MEIS3: variants seen among roughly 807,000 people sequenced by gnomAD.
MEIS3 encodes the protein Meis homeobox 3, also known as homeobox protein Meis3.
In MEIS3, 38 loss-of-function variants were observed where a neutral mutation model predicts 51.4. That is an observed-to-expected ratio of 0.74 (90% CI 0.57 to 0.97). The LOEUF (loss-of-function observed/expected upper bound fraction) is 0.97, where lower values mean the gene tolerates loss of function less well. Ranked by LOEUF, MEIS3 falls within the 50% of genes least tolerant of loss-of-function variation. MEIS3 has a pLI of 0.00. For synonymous variants in MEIS3, 198 were observed against 201.8 expected, an observed-to-expected ratio of 0.98 and a Z score of 0.16; for missense variants, 456 against 502.6, an observed-to-expected ratio of 0.91 and a Z score of 0.89.
At chr19:47,421,670 G>A (rs903060086), upstream of MEIS3, among the ~76,000 whole-genome samples, 5 of 151,688 alleles carry the variant, frequency 3.3e-5, no homozygotes, top group Admixed American at 6.6e-5. Flanking sequence ...AAGACAGGCC[G>A]TCTCTGTCTC....
intron 11 of MEIS3, 23 bp from the exon 12 acceptor site, chr19:47,406,549 G>C: frequency 6.2e-7 from 1 of 1,613,472 alleles, no homozygotes; most frequent in Middle Eastern, 1.6e-4. Context: ...AAAAAAGGAG[G>C]GTAAGTGCGT....
upstream of MEIS3, among the ~76,000 whole-genome samples, chr19:47,420,934 ACACACACT>A (rs1451704606): frequency 3.9e-5 from 4 of 103,426 alleles, no homozygotes; most frequent in East Asian, 9.5e-4. Flanking sequence ...ACACACACAC[ACACACACT>A]CTCTCTCTCT....
chr19:47,409,391 T>C, intron 7 of MEIS3, 45 bp downstream of exon 7: 1 of 1,578,682 alleles, frequency 6.3e-7, no homozygotes, highest in Non-Finnish European at 8.7e-7. Context: ...ACTTCAATCC[T>C]CTGGTTGACT....
chr19:47,407,126 G>A lies in MEIS3; in HGVS notation c.947C>T (p.Ala316Val). The A allele has an allele frequency of 6.2e-7, 1 of 1,610,820 alleles. No homozygotes were observed. The highest frequency in any genetic ancestry group is 8.5e-7 in the Non-Finnish European group (1 of 1,178,896). The change falls in exon 10 of 13, where the codon GCC (alanine) becomes GTC (valine). Residue 316 changes from alanine to valine, a missense_variant. By Grantham distance (64) the Ala-to-Val change is moderately conservative. Coordinates refer to ENST00000558555, the MANE Select transcript of MEIS3 (RefSeq NM_001301059.2). Reference sequence around the variant, plus strand: ...CATAGGTTGCACGATGCGTCTCCGGGCGTTAATGAACCTGGGAGGCGGTCA... The same window carrying A: ...CATAGGTTGCACGATGCGTCTCCGGACGTTAATGAACCTGGGAGGCGGTCA... Reference protein sequence around the residue: ...ILQVNNWFINARRRIVQPMID... With the variant: ...ILQVNNWFINVRRRIVQPMID...
chr19:47,416,573 C>A (rs1971419353), intron 4 of MEIS3, 79 bp downstream of exon 4: 2 of 1,235,730 alleles, frequency 1.6e-6, no homozygotes, highest in Non-Finnish European at 2.2e-6. Flanking sequence ...TCTGCACCCC[C>A]CCCACCAACC....
chr19:47,412,735 G>T (rs1159401117), intron 6 of MEIS3, among the ~76,000 whole-genome samples: 2 of 151,626 alleles, frequency 1.3e-5, no homozygotes, highest in Non-Finnish European at 2.9e-5. Flanking sequence ...CTAATTTTTT[G>T]TTTTTTTTAT....
At chr19:47,412,713 C>T (rs1971197273) in intron 6 of MEIS3, among the ~76,000 whole-genome samples, 1 of 152,210 alleles carries the variant, frequency 6.6e-6, no homozygotes, top group South Asian at 2.1e-4. Flanking sequence ...AGGTGCGTGC[C>T]ACCACGCCTG....
At chr19:47,404,474 C>T (rs1274285968) in intron 12 of MEIS3, among the ~76,000 whole-genome samples, 1 of 152,136 alleles carries the variant, frequency 6.6e-6, no homozygotes, top group African/African-American at 2.4e-5. Context: ...GCCACCTGTC[C>T]GGCCGCCTGC....
chr19:47,420,531 G>C (rs188630591), upstream of MEIS3, among the ~76,000 whole-genome samples: 693 of 141,912 alleles, frequency 4.9e-3, 7 homozygotes, highest in Middle Eastern at 0.027. Context: ...CAGAGAGAGA[G>C]AGAGACAGAG....
upstream of MEIS3, among the ~76,000 whole-genome samples, chr19:47,421,017 C>G (rs534866642): frequency 6.7e-6 from 1 of 148,210 alleles, no homozygotes; most frequent in African/African-American, 2.5e-5. Context: ...CCTTCTGTTC[C>G]CAGGGGGAGG....
In MEIS3 at chr19:47,414,852, G is replaced by A. The variant is rs747435130; in HGVS notation, c.462C>T (p.Cys154=). The A allele has an allele frequency of 1.2e-5, 19 of 1,593,224 alleles. No homozygotes were observed. The highest frequency in any genetic ancestry group is 1.1e-4 in the South Asian group (10 of 90,692). ...TGATGTAGCGGTGACAGAAGTTGTC[G>A]CACAGGTCGTGGACCTGGGGGGGCA... ...LLELEKVHDL[C]DNFCHRYITC... Residue 154 remains cysteine (C), a synonymous_variant, in exon 6 of 13, where the codon TGC becomes TGT. Transcript: ENST00000558555.
At position 47,419,418 on chromosome 19, in the gene MEIS3, C is replaced by G. The variant is rs1971622778; in HGVS notation, c.-337G>C. 1.3e-5 allele frequency: 1 copy of G among 79,144 alleles called. No individual in the cohort carries two copies. The highest frequency in any genetic ancestry group is 1.2e-4 in the Admixed American group (1 of 8,220). 4.9% of individuals were successfully genotyped at this position (79,144 alleles called of 1,614,324 possible). ...GGCTCTGGAGGGAATCGAACCGTCC[C>G]GAGACGGACACACCGGGGACCGCAG... On this transcript the variant is annotated 5_prime_UTR_variant, in exon 1 of 13. Transcript: ENST00000558555.
At chr19:47,412,589 T>G (rs575744521) in intron 6 of MEIS3, among the ~76,000 whole-genome samples, 1 of 152,044 alleles carries the variant, frequency 6.6e-6, no homozygotes, top group South Asian at 2.1e-4. Context: ...TGAGACAGAG[T>G]CTTGCCCTGT....
At chr19:47,414,467 T>A (rs1971291938) in intron 6 of MEIS3, among the ~76,000 whole-genome samples, 1 of 152,020 alleles carries the variant, frequency 6.6e-6, no homozygotes, top group Non-Finnish European at 1.5e-5. Context: ...TGTGGACCTG[T>A]GTGGGTGTAG....
At chr19:47,409,269 G>C (rs1406710097) in intron 7 of MEIS3, 22 bp from the exon 8 acceptor site, 1 of 1,598,684 alleles carries the variant, frequency 6.3e-7, no homozygotes, top group Admixed American at 1.8e-5. Flanking sequence ...CAGGCATGCT[G>C]TGTGTGTGGG....
At chr19:47,413,791 G>A (rs1363449991) in intron 6 of MEIS3, among the ~76,000 whole-genome samples, 10 of 150,762 alleles carry the variant, frequency 6.6e-5, no homozygotes, top group Admixed American at 6.6e-5. Flanking sequence ...GCAGTGGTGC[G>A]ATCCTGGCTG....
intron 6 of MEIS3, among the ~76,000 whole-genome samples, chr19:47,411,263 G>A (rs1321231901): frequency 1.3e-5 from 2 of 152,106 alleles, no homozygotes; most frequent in Non-Finnish European, 1.5e-5. Flanking sequence ...CAATAAATCA[G>A]CGCATACACC....
intron 6 of MEIS3, among the ~76,000 whole-genome samples, chr19:47,411,437 T>C (rs2122513893): frequency 6.6e-6 from 1 of 152,320 alleles, no homozygotes; most frequent in South Asian, 2.1e-4. Context: ...CAAATGAGTT[T>C]GCACTAAATT....
intron 8 of MEIS3, 122 bp downstream of exon 8, chr19:47,408,977 G>A (rs1359065672): frequency 8.7e-7 from 1 of 1,153,556 alleles, no homozygotes; most frequent in Non-Finnish European, 1.2e-6. Flanking sequence ...CTCCATGAGA[G>A]TCTCGAAAAA....
Sources: gnomAD v4.1 joint callset for allele counts (sites outside exome capture counted in the v4.1 genomes callset) on GRCh38, gnomAD v4.1.1 for gene constraint, MANE v1.5 for transcripts, NCBI Gene and HGNC (gene_info 2026-07-23, HGNC 2026-07-21) for gene names.